MSI2: variants seen among roughly 807,000 people sequenced by gnomAD.
The protein encoded by MSI2 is RNA-binding protein Musashi homolog 2.
A neutral mutation model predicts 45.6 loss-of-function variants in MSI2; 17 were observed. That is an observed-to-expected ratio of 0.37 (90% CI 0.26 to 0.56). The LOEUF (loss-of-function observed/expected upper bound fraction) is 0.56, where lower values mean the gene tolerates loss of function less well. Ranked by LOEUF, MSI2 falls within the 20% of genes least tolerant of loss-of-function variation. The pLI is 0.77. For synonymous variants in MSI2, 156 were observed against 158.2 expected (o/e 0.99, Z 0.11); for missense variants, 293 against 444.2 (o/e 0.66, Z 3.06).
rs73995304 is a variant in MSI2 at position 57,308,756 on chromosome 17, C to G, written c.312+46564C>G. On this transcript the variant is annotated intron_variant, in intron 5 of 13. Coordinates refer to ENST00000284073, the MANE Select transcript of MSI2 (RefSeq NM_138962.4). ...GCCACTCCATCCCTGAGAGTCTTCT[C>G]AGAGACTGGCTCTTGAGAAGGTACA... Among the ~76,000 whole-genome samples, 340 of 152,314 alleles carry G rather than the reference C, an allele frequency of 2.2e-3. 1 individual carries two copies. Among genetic ancestry groups the G allele is most frequent in the African/African-American group, 7.8e-3 (326 of 41,570 alleles).
intron 6 of MSI2, among the ~76,000 whole-genome samples, chr17:57,509,927 T>C (rs1260714213): frequency 1.3e-5 from 2 of 152,118 alleles, no homozygotes; most frequent in Admixed American, 6.5e-5. Context: ...CCTTCTGTTG[T>C]AGCACCTGAT....
At chr17:57,295,300 G>T (rs1420798878) in intron 5 of MSI2, among the ~76,000 whole-genome samples, 4 of 152,160 alleles carry the variant, frequency 2.6e-5, no homozygotes, top group African/African-American at 9.7e-5. Flanking sequence ...ATGGCTGACA[G>T]TTGGCAAGGA....
chr17:57,449,484 TA>T (rs1261855657), intron 6 of MSI2: 1 of 152,246 alleles, frequency 6.6e-6, no homozygotes. Context: ...CAGGGTCTGT[TA>T]GCGGATGGTA....
intron 10 of MSI2, among the ~76,000 whole-genome samples, chr17:57,640,187 T>C (rs560725884): frequency 6.6e-6 from 1 of 152,276 alleles, no homozygotes; most frequent in African/African-American, 2.4e-5. Context: ...GCACTGGGGC[T>C]CCAGGCTCCG....
At chr17:57,374,224 A>G (rs2083460632) in intron 5 of MSI2, among the ~76,000 whole-genome samples, 1 of 152,208 alleles carries the variant, frequency 6.6e-6, no homozygotes, top group African/African-American at 2.4e-5. Flanking sequence ...GTTTTAGGAT[A>G]TATCATTTGA....
intron 6 of MSI2, chr17:57,450,351 A>G (rs2048067181): frequency 6.6e-6 from 1 of 151,840 alleles, no homozygotes; most frequent in Admixed American, 6.6e-5. Context: ...AAAGTAATAT[A>G]AGAAGTCACT....
At chr17:57,429,470 C>T (rs975545752) in intron 6 of MSI2, among the ~76,000 whole-genome samples, 8 of 152,272 alleles carry the variant, frequency 5.3e-5, no homozygotes, top group East Asian at 1.9e-4. Flanking sequence ...TTGGAGCTTC[C>T]GTCTACTCAT....
intron 6 of MSI2, among the ~76,000 whole-genome samples, chr17:57,410,434 A>G (rs1415390621): frequency 6.6e-6 from 1 of 152,104 alleles, no homozygotes; most frequent in African/African-American, 2.4e-5. Flanking sequence ...GTGGCTGCTG[A>G]AGGCAGGTCA....
intron 13 of MSI2, among the ~76,000 whole-genome samples, chr17:57,677,564 G>A (rs955585436): frequency 6.6e-6 from 1 of 152,182 alleles, no homozygotes; most frequent in Admixed American, 6.5e-5. Context: ...TCAGCCAATG[G>A]GGTTCATGCA....
chr17:57,351,670 A>G (rs1312334288), intron 5 of MSI2, among the ~76,000 whole-genome samples: 1 of 152,194 alleles, frequency 6.6e-6, no homozygotes, highest in Admixed American at 6.5e-5. Context: ...AGCCTGGCCA[A>G]CATGGCGAAA....
At chr17:57,440,580 A>C (rs2084782249) in intron 6 of MSI2, 1 of 152,150 alleles carries the variant, frequency 6.6e-6, no homozygotes, top group South Asian at 2.1e-4. Context: ...GGTCATCTTA[A>C]AAACGAGCTG....
rs77301992 is a variant in MSI2, at chr17:57,596,970, G to A, written c.537+20G>A. ...AAAATGGTAAGTGTGTAGGGGTTGC[G>A]CTGAAATGGAATGCCCCCTTTCTCT... On this transcript the variant is annotated intron_variant, in intron 8 of 13. Transcript: ENST00000284073. This position sits in a 1 kb window ranked among gnomAD's most constrained non-coding sequence, Gnocchi z 4.6. The A allele has an allele frequency of 8.6e-3, 13,419 of 1,554,972 alleles. 133 individuals are homozygous for A. Among genetic ancestry groups the A allele is most frequent in the African/African-American group, 0.042 (3,089 of 73,610 alleles).
downstream of MSI2, among the ~76,000 whole-genome samples, chr17:57,688,629 A>G (rs1324260355): frequency 6.6e-6 from 1 of 152,186 alleles, no homozygotes; most frequent in African/African-American, 2.4e-5. Context: ...ATATATATGT[A>G]TGTGTGTGTA....
intron 5 of MSI2, among the ~76,000 whole-genome samples, chr17:57,335,687 G>A (rs887414374): frequency 1.3e-5 from 2 of 152,202 alleles, no homozygotes; most frequent in Non-Finnish European, 2.9e-5. Flanking sequence ...TAAGTGCTGT[G>A]ACTGAATAAA....
At chr17:57,382,912 G>C (rs2083621713) in intron 5 of MSI2, among the ~76,000 whole-genome samples, 1 of 152,206 alleles carries the variant, frequency 6.6e-6, no homozygotes, top group East Asian at 1.9e-4. Flanking sequence ...TCTTTGTGCA[G>C]ACTGAGTACT....
intron 5 of MSI2, among the ~76,000 whole-genome samples, chr17:57,319,508 G>A (rs1044548377): frequency 6.6e-6 from 1 of 152,222 alleles, no homozygotes; most frequent in Non-Finnish European, 1.5e-5. Flanking sequence ...ACCTGTGTTA[G>A]ATTCAATCAA....
intron 6 of MSI2, among the ~76,000 whole-genome samples, chr17:57,462,615 C>T (rs946794109): frequency 3.3e-5 from 5 of 152,190 alleles, no homozygotes; most frequent in Admixed American, 6.5e-5. Context: ...TTCCTTCTAT[C>T]GATCAAAAAA....
Position 57,528,818 on chromosome 17 carries a change from C to T in MSI2, c.406-858C>T, listed in dbSNP as rs145712766. Among the ~76,000 whole-genome samples, 546 of 152,248 alleles carry T rather than the reference C, an allele frequency of 3.6e-3. 3 individuals carry two copies. The highest frequency in any genetic ancestry group is 3.7e-3 in the Non-Finnish European group (250 of 68,012). On this transcript the variant is annotated intron_variant, in intron 6 of 13. Coordinates refer to ENST00000284073, the MANE Select transcript of MSI2 (RefSeq NM_138962.4). ...TCTTTGAAGAACCTCTCTCCAAATA[C>T]GGTCACATTTTGAGGTCCTGGGGGT...
chr17:57,629,287 G>A (rs1164652031), intron 10 of MSI2: 2 of 152,138 alleles, frequency 1.3e-5, no homozygotes, highest in African/African-American at 2.4e-5. Flanking sequence ...AAATGAGCCG[G>A]GCGTGGTGCC....
Sources: gnomAD v4.1 joint callset for allele counts (sites outside exome capture counted in the v4.1 genomes callset) on GRCh38, gnomAD v4.1.1 for gene constraint, Gnocchi (gnomAD v3.1) non-coding constraint, MANE v1.5 for transcripts, NCBI Gene and HGNC (gene_info 2026-07-23, HGNC 2026-07-21) for gene names.